VWC2L: variants seen among roughly 807,000 people sequenced by gnomAD.
VWC2L encodes the protein von Willebrand factor C domain-containing protein 2-like.
VWC2L carries 10 observed loss-of-function variants against 21.6 expected under a neutral mutation model. The observed-to-expected ratio is 0.46, with a 90% CI of 0.29 to 0.78. The LOEUF is 0.78. Ranked by LOEUF, VWC2L falls within the 30% of genes least tolerant of loss-of-function variation. VWC2L has a pLI of 0.10. For missense variants in VWC2L, 209 were observed against 277.1 expected (o/e 0.75, Z 1.74); for synonymous variants, 96 against 94.3 (o/e 1.02, Z -0.10).
intron 3 of VWC2L, among the ~76,000 whole-genome samples, chr2:214,517,546 G>A (rs1186154906): frequency 1.3e-5 from 2 of 152,150 alleles, no homozygotes; most frequent in East Asian, 3.9e-4. Context: ...TGATTACACT[G>A]TGGGACCAAC....
chr2:214,572,267 A>G (rs1307272062), intron 3 of VWC2L, among the ~76,000 whole-genome samples: 1 of 152,186 alleles, frequency 6.6e-6, no homozygotes, highest in East Asian at 1.9e-4. Flanking sequence ...ACAGTTGTTC[A>G]CCATTTTTTA....
chr2:214,518,476 A>T (rs762507912), intron 3 of VWC2L, among the ~76,000 whole-genome samples: 1 of 152,322 alleles, frequency 6.6e-6, no homozygotes, highest in Middle Eastern at 3.4e-3. Flanking sequence ...GTTGGCCTAA[A>T]GTTAGGGTTC....
intron 3 of VWC2L, among the ~76,000 whole-genome samples, chr2:214,446,825 C>T (rs139780449): frequency 1.8e-4 from 28 of 152,220 alleles, no homozygotes; most frequent in Non-Finnish European, 2.5e-4. Context: ...TTCTGCAGGA[C>T]GCTTGAGAGA....
intron 3 of VWC2L, among the ~76,000 whole-genome samples, chr2:214,482,796 C>T (rs1466694235): frequency 1.3e-5 from 2 of 151,862 alleles, no homozygotes; most frequent in Non-Finnish European, 2.9e-5. Flanking sequence ...TATTTAACAT[C>T]AATTTCAGTC....
At chr2:214,416,769 T>C (rs1035231614) in intron 2 of VWC2L, among the ~76,000 whole-genome samples, 2 of 152,076 alleles carry the variant, frequency 1.3e-5, no homozygotes, top group Non-Finnish European at 2.9e-5. Context: ...GACCATAAAA[T>C]AGCCATTGTA....
intron 1 of VWC2L, 58 bp downstream of exon 1, chr2:214,411,844 AT>A (rs958347082): frequency 6.6e-6 from 1 of 152,144 alleles, no homozygotes; most frequent in Non-Finnish European, 1.5e-5. Context: ...AGATGCAGTC[AT>A]TTTAAATCAT....
intron 2 of VWC2L, among the ~76,000 whole-genome samples, chr2:214,435,776 G>C (rs1702670294): frequency 6.6e-6 from 1 of 152,160 alleles, no homozygotes; most frequent in Admixed American, 6.6e-5. Context: ...GAAAAGTAGA[G>C]CTAGAACTTA....
intron 3 of VWC2L, among the ~76,000 whole-genome samples, chr2:214,571,022 AAATT>A (rs1462156613): frequency 6.6e-6 from 1 of 152,232 alleles, no homozygotes; most frequent in Non-Finnish European, 1.5e-5. Flanking sequence ...GTTTTAAAAT[AAATT>A]ATGTTTTCTG....
intron 3 of VWC2L, among the ~76,000 whole-genome samples, chr2:214,560,327 G>C (rs908925817): frequency 3.9e-5 from 6 of 152,238 alleles, no homozygotes; most frequent in South Asian, 4.2e-4. Context: ...TTTGAACACA[G>C]AGAATAAAAA....
At chr2:214,505,407 A>C (rs557085394) in intron 3 of VWC2L, among the ~76,000 whole-genome samples, 88 of 152,142 alleles carry the variant, frequency 5.8e-4, no homozygotes, top group African/African-American at 2.0e-3. Context: ...TCTTTTTTGC[A>C]GTTTTGGGTT....
chr2:214,419,540 A>G (rs1702403475), intron 2 of VWC2L, among the ~76,000 whole-genome samples: 1 of 152,164 alleles, frequency 6.6e-6, no homozygotes, highest in Admixed American at 6.5e-5. Context: ...GCTGAAAGAA[A>G]CCTTTCAGCT....
In VWC2L at chr2:214,455,154, T is replaced by A. The variant is rs1042859681; in HGVS notation, c.520+18396T>A. On this transcript the variant is annotated intron_variant, in intron 3 of 3. Transcript: ENST00000312504. The stretch of plus-strand genomic sequence containing the variant: ...TGGAAGAGTTTGTATAGAATTAGTA[T>A]ACATATATATGTTAAATGTTTGATA... Among the ~76,000 whole-genome samples the A allele has an allele frequency of 2.0e-5, 3 of 152,176 alleles. No individual in the cohort carries two copies. The East Asian group carries it at 5.8e-4, about 29-fold the overall frequency.
chr2:214,530,785 T>C (rs1340724025), intron 3 of VWC2L, among the ~76,000 whole-genome samples: 2 of 152,168 alleles, frequency 1.3e-5, no homozygotes, highest in Non-Finnish European at 2.9e-5. Context: ...ATATAAAATT[T>C]ATGCCCACTC....
chr2:214,456,548 T>C (rs940382401), intron 3 of VWC2L, among the ~76,000 whole-genome samples: 13 of 152,178 alleles, frequency 8.5e-5, no homozygotes, highest in East Asian at 1.9e-4. Flanking sequence ...TTGTATTCTT[T>C]GCTGTGCAAA....
At chr2:214,504,540 C>A (rs1234211937) in intron 3 of VWC2L, among the ~76,000 whole-genome samples, 2 of 152,188 alleles carry the variant, frequency 1.3e-5, no homozygotes, top group Non-Finnish European at 2.9e-5. Context: ...GTAAATTATT[C>A]TTTAATTAAG....
Position 214,419,212 on chromosome 2 carries a change from A to G in VWC2L, c.390+4629A>G, listed in dbSNP as rs1159683548. Among the ~76,000 whole-genome samples the G allele has an allele frequency of 2.6e-5, 4 of 152,198 alleles. No individual in the cohort carries two copies. In the East Asian group the frequency reaches 7.7e-4, roughly 29 times the overall value. On this transcript the variant is annotated intron_variant, in intron 2 of 3. Transcript: ENST00000312504. Reference sequence around the variant, plus strand: ...GGTTCTGGTAATATTGTATTAAGATAAAGGTCACTGTATAGTAGGTTCTCT... The same window carrying G: ...GGTTCTGGTAATATTGTATTAAGATGAAGGTCACTGTATAGTAGGTTCTCT...
At chr2:214,475,698 G>A (rs117023531) in intron 3 of VWC2L, among the ~76,000 whole-genome samples, 15 of 151,882 alleles carry the variant, frequency 9.9e-5, no homozygotes, top group East Asian at 5.8e-4. Flanking sequence ...AACAGAAACC[G>A]GAAATCTGAT....
chr2:214,489,046 A>T (rs1366452073), intron 3 of VWC2L, among the ~76,000 whole-genome samples: 4 of 152,156 alleles, frequency 2.6e-5, no homozygotes, highest in Non-Finnish European at 5.9e-5. Context: ...AATATATTGT[A>T]ATATATTCAA....
At chr2:214,508,365 G>A (rs549917163) in intron 3 of VWC2L, among the ~76,000 whole-genome samples, 50 of 152,288 alleles carry the variant, frequency 3.3e-4, no homozygotes, top group African/African-American at 1.2e-3. Context: ...GTAAGATGAA[G>A]ATGCTACTGT....
Sources: allele counts gnomAD v4.1 joint callset (sites outside exome capture counted in the v4.1 genomes callset), GRCh38; gene constraint gnomAD v4.1.1; transcripts MANE v1.5; gene names NCBI Gene and HGNC (gene_info 2026-07-23, HGNC 2026-07-21).